The following RTF1 variants were observed in gnomAD, a reference collection of about 807,000 sequenced individuals.
RTF1 encodes RNA polymerase-associated protein RTF1 homolog.
Under a neutral mutation model 95.7 loss-of-function variants are expected in RTF1, and 10 were observed. That is an observed-to-expected ratio of 0.10 (90% CI 0.06 to 0.18). The LOEUF is 0.18. Among genes scored for constraint, RTF1 ranks in the 10% least tolerant of loss-of-function variants. The pLI, the probability that RTF1 is intolerant of heterozygous loss-of-function variation, is 1.00. For synonymous variants in RTF1, 305 were observed against 311.8 expected (o/e 0.98, Z 0.23); for missense variants, 458 against 875.6 (o/e 0.52, Z 6.02).
chr15:41,477,479 G>A lies in RTF1; in HGVS notation c.1704G>A (p.Arg568=). 6.2e-7 allele frequency: 1 copy of A among 1,614,152 alleles called. No individual in the cohort carries two copies. Among genetic ancestry groups the A allele is most frequent in the Non-Finnish European group, 8.5e-7 (1 of 1,180,026 alleles). ...ACAGTTACATCAACCAGCGGAACCG[G>A]GAGTGGAACATTGTAGAGTCTGAGA... ...SAISYINQRN[R]EWNIVESEKA... The change falls in exon 14 of 18, where the codon CGG becomes CGA. Residue 568 remains arginine, a synonymous_variant. Transcript: ENST00000389629.
chr15:41,480,798 G>A lies in RTF1; in HGVS notation c.*111G>A. The A allele has an allele frequency of 1.3e-6, 1 of 770,538 alleles. No individual in the cohort carries two copies. Among genetic ancestry groups the A allele is most frequent in the South Asian group, 1.5e-5 (1 of 64,854 alleles). The allele number at this position is 770,538 out of a possible 1,614,324, so 47.7% of individuals were successfully genotyped here. On this transcript the variant is annotated 3_prime_UTR_variant, in exon 18 of 18. Coordinates refer to ENST00000389629, the MANE Select transcript of RTF1 (RefSeq NM_015138.5). Reference sequence around the variant, plus strand: ...GCTGGAGCAGCTGTTGAACTGGGAAGAGACTCTAAACTGCCAGTCATCTGT... The same window carrying A: ...GCTGGAGCAGCTGTTGAACTGGGAAAAGACTCTAAACTGCCAGTCATCTGT...
chr15:41,449,660 C>A (rs1388726868), intron 2 of RTF1, among the ~76,000 whole-genome samples: 1 of 149,710 alleles, frequency 6.7e-6, no homozygotes, highest in Non-Finnish European at 1.5e-5. Context: ...TTTTTTTTTT[C>A]CCCAACTTTA....
At chr15:41,434,113 G>A (rs1224911637) in intron 1 of RTF1, among the ~76,000 whole-genome samples, 1 of 150,196 alleles carries the variant, frequency 6.7e-6, no homozygotes, top group African/African-American at 2.4e-5. Context: ...CCAAAGTGCT[G>A]GAATTACAGG....
At chr15:41,478,492 G>C in intron 14 of RTF1, 56 bp from the exon 15 acceptor site, 1 of 1,301,954 alleles carries the variant, frequency 7.7e-7, no homozygotes. Flanking sequence ...TGAGCTTATG[G>C]TGAATGAGAG....
chr15:41,471,469 C>G, intron 8 of RTF1, 120 bp downstream of exon 8: 1 of 1,040,410 alleles, frequency 9.6e-7, no homozygotes, highest in Non-Finnish European at 1.4e-6. Flanking sequence ...AAAGTAGACT[C>G]CAAGTGGGAT....
intron 8 of RTF1, among the ~76,000 whole-genome samples, chr15:41,473,442 G>GTTT (rs756423671): frequency 7.2e-6 from 1 of 138,578 alleles, no homozygotes; most frequent in Admixed American, 7.2e-5. Context: ...CAGGTGTTGG[G>GTTT]TTTTTTTTTT....
At chr15:41,475,455 G>A (rs1311470840) in intron 9 of RTF1, 70 bp from the exon 10 acceptor site, 6 of 1,207,054 alleles carry the variant, frequency 5.0e-6, no homozygotes, top group Non-Finnish European at 7.4e-6. Flanking sequence ...ACATAGTCTG[G>A]TAAGGTTGCT....
At chr15:41,450,294 G>C (rs1007494284) in intron 2 of RTF1, among the ~76,000 whole-genome samples, 1 of 152,224 alleles carries the variant, frequency 6.6e-6, no homozygotes, top group East Asian at 1.9e-4. Flanking sequence ...TTTAGGCCAG[G>C]TGCGGTGGCT....
chr15:41,451,685 G>C (rs1412495775), intron 2 of RTF1, among the ~76,000 whole-genome samples: 1 of 152,122 alleles, frequency 6.6e-6, no homozygotes, highest in East Asian at 1.9e-4. Flanking sequence ...GCCAAAGAAT[G>C]GCCTTCATCC....
At chr15:41,420,249 T>C (rs1595420940) in intron 1 of RTF1, among the ~76,000 whole-genome samples, 1 of 152,292 alleles carries the variant, frequency 6.6e-6, no homozygotes, top group East Asian at 1.9e-4. Context: ...TTTGCATTCT[T>C]GTTATCAGAT....
chr15:41,417,144 C>T lies in RTF1; in HGVS notation c.29C>T (p.Ala10Val), dbSNP rs796203024. The change falls in exon 1 of 18, where the codon GCA (alanine) becomes GTA (valine). Residue 10 changes from alanine to valine, a missense_variant. By Grantham distance (64) the Ala-to-Val change is moderately conservative. This residue lies in a region of RTF1 where 81 missense variants were observed against 59.9 expected (regional missense o/e 1.35). Coordinates refer to ENST00000389629, the MANE Select transcript of RTF1 (RefSeq NM_015138.5). ...CGCGGTCGCCTTTGTGTGGGTCGAGCAGCGGCGGCGGCGGCGGCAGTGGCG... is the reference window on the plus strand; with the variant it reads ...CGCGGTCGCCTTTGTGTGGGTCGAGTAGCGGCGGCGGCGGCGGCAGTGGCG... MRGRLCVGR[A>V]AAAAAAVAVP... The T allele has an allele frequency of 2.9e-5, 37 of 1,257,750 alleles. No homozygotes were observed. In the Admixed American group the frequency reaches 4.6e-4, roughly 16 times the overall value. The allele number at this position is 1,257,750 out of a possible 1,614,324, so 77.9% of individuals were successfully genotyped here. A position where few individuals can be genotyped will look rare whatever the true frequency, so the allele number is the denominator to read the frequency against.
At chr15:41,422,828 T>A (rs2050609103) in intron 1 of RTF1, among the ~76,000 whole-genome samples, 1 of 152,044 alleles carries the variant, frequency 6.6e-6, no homozygotes, top group Non-Finnish European at 1.5e-5. Flanking sequence ...CAGGCTGGAG[T>A]GCAGTGGCGC....
intron 8 of RTF1, among the ~76,000 whole-genome samples, chr15:41,473,427 C>T (rs558540880): frequency 1.3e-5 from 2 of 150,934 alleles, no homozygotes; most frequent in East Asian, 1.9e-4. Flanking sequence ...CCACCACGCC[C>T]GGCCCAGGTG....
chr15:41,478,768 T>C, intron 15 of RTF1, 143 bp downstream of exon 15: 1 of 709,322 alleles, frequency 1.4e-6, no homozygotes, highest in Non-Finnish European at 2.4e-6. Flanking sequence ...TCTGGATACT[T>C]CCTTTTTTAT....
At position 41,475,696 on chromosome 15, in the gene RTF1, C is replaced by T. The variant is rs765331491; in HGVS notation, c.1375-16C>T. ...AAATCCCTTACTAATAATCTCGTAT[C>T]GTGTTTTTGATCCAGATGTTCTCTG... On this transcript the variant is annotated splice_polypyrimidine_tract_variant and intron_variant, in intron 10 of 17. Coordinates refer to ENST00000389629, the MANE Select transcript of RTF1 (RefSeq NM_015138.5). The T allele has an allele frequency of 1.4e-5, 22 of 1,599,462 alleles. No homozygotes were observed. The highest frequency in any genetic ancestry group is 8.9e-5 in the East Asian group (4 of 44,816).
At chr15:41,465,295 G>A (rs908387497) in intron 5 of RTF1, among the ~76,000 whole-genome samples, 1 of 151,896 alleles carries the variant, frequency 6.6e-6, no homozygotes, top group Non-Finnish European at 1.5e-5. Flanking sequence ...CTCCTGAGTT[G>A]CTGAGACTAC....
chr15:41,445,897 A>G (rs1223885763), intron 2 of RTF1, among the ~76,000 whole-genome samples: 1 of 151,918 alleles, frequency 6.6e-6, no homozygotes, highest in Admixed American at 6.6e-5. Flanking sequence ...TACCACGCCC[A>G]GCTAATTTTT....
At chr15:41,477,372 G>T in intron 13 of RTF1, 86 bp downstream of exon 13, 4 of 1,612,922 alleles carry the variant, frequency 2.5e-6, no homozygotes, top group South Asian at 1.1e-5. Context: ...GTGCTGCACT[G>T]ACCCCATAGA....
intron 6 of RTF1, among the ~76,000 whole-genome samples, chr15:41,467,751 G>T (rs530399599): frequency 1.6e-4 from 24 of 151,652 alleles, no homozygotes; most frequent in Non-Finnish European, 4.4e-5. Context: ...GGGGCTGAGT[G>T]TAGTGGCTCA....
Sources: allele counts gnomAD v4.1 joint callset (sites outside exome capture counted in the v4.1 genomes callset), GRCh38; gene constraint gnomAD v4.1.1; regional missense constraint gnomAD v4.1.1; transcripts MANE v1.5; gene names NCBI Gene and HGNC (gene_info 2026-07-23, HGNC 2026-07-21).